Variants in TMEM229B observed in about 807,000 individuals in gnomAD.
TMEM229B encodes the protein transmembrane protein 229B, also known as chromosome 14 open reading frame 83.
Under a neutral mutation model 13.7 loss-of-function variants are expected in TMEM229B, and 6 were observed. That is an observed-to-expected ratio of 0.44 (90% confidence interval 0.24 to 0.86). The LOEUF is 0.86. Ranked by LOEUF, TMEM229B falls within the 40% of genes least tolerant of loss-of-function variation. The probability of loss-of-function intolerance (pLI) is 0.23; values close to 1 mark genes in which losing one functional copy is unlikely to be tolerated. For synonymous variants in TMEM229B, 107 were observed against 102.1 expected (o/e 1.05, Z -0.29); for missense variants, 170 against 236.0 (o/e 0.72, Z 1.83).
At chr14:67,518,185 T>G (rs1163521736), upstream of TMEM229B, among the ~76,000 whole-genome samples, 9 of 152,224 alleles carry the variant, frequency 5.9e-5, no homozygotes, top group Non-Finnish European at 1.0e-4. Context: ...TACCAGCCCC[T>G]GCTTTGCCTT....
intron 1 of TMEM229B, among the ~76,000 whole-genome samples, chr14:67,498,475 T>G (rs1277250223): frequency 6.6e-6 from 1 of 152,240 alleles, no homozygotes; most frequent in African/African-American, 2.4e-5. Flanking sequence ...TAGAGTATGG[T>G]TGAGGCATTA....
upstream of TMEM229B, among the ~76,000 whole-genome samples, chr14:67,493,630 C>A (rs190156795): frequency 1.3e-5 from 2 of 152,126 alleles, no homozygotes; most frequent in Non-Finnish European, 2.9e-5. Flanking sequence ...GCTGTCAATA[C>A]CCTGCCTGTT....
chr14:67,517,388 C>T (rs7144333), upstream of TMEM229B, among the ~76,000 whole-genome samples: 63,348 of 151,848 alleles, frequency 0.42, 13,759 homozygotes, highest in East Asian at 0.48. Context: ...GCACGGTAGG[C>T]GCCGGGCTCA....
At chr14:67,504,754 G>A (rs1488855134) in intron 1 of TMEM229B, among the ~76,000 whole-genome samples, 3 of 152,034 alleles carry the variant, frequency 2.0e-5, no homozygotes, top group East Asian at 3.9e-4. Context: ...GCGTGGTGGC[G>A]GGTGCCCATA....
chr14:67,510,266 T>C (rs964189608), intron 1 of TMEM229B, among the ~76,000 whole-genome samples: 2 of 152,234 alleles, frequency 1.3e-5, no homozygotes, highest in Non-Finnish European at 2.9e-5. Flanking sequence ...AAGCTCTATT[T>C]GTGGAATTAA....
upstream of TMEM229B, among the ~76,000 whole-genome samples, chr14:67,516,823 T>G (rs7140327): frequency 0.42 from 63,304 of 151,852 alleles, 13,743 homozygotes; most frequent in East Asian, 0.48. Flanking sequence ...GGGTTCTGAT[T>G]GGGGCAGAGG....
chr14:67,477,999 A>G (rs2031331467), intron 2 of TMEM229B, among the ~76,000 whole-genome samples: 1 of 152,228 alleles, frequency 6.6e-6, no homozygotes, highest in African/African-American at 2.4e-5. Flanking sequence ...AGCCCAGCAC[A>G]TAGTAAGCAT....
intron 1 of TMEM229B, among the ~76,000 whole-genome samples, chr14:67,495,124 G>C (rs1217623679): frequency 6.6e-6 from 1 of 152,130 alleles, no homozygotes; most frequent in Non-Finnish European, 1.5e-5. Context: ...TTAGGACAGG[G>C]GGTGGGGCCC....
At position 67,511,017 on chromosome 14, in the gene TMEM229B, C is replaced by T. The variant is rs142423130; in HGVS notation, c.-192+4069G>A. On this transcript the variant is annotated intron_variant, in intron 1 of 2. Transcript: ENST00000357461. ...TCCTCTCTTTGTGGCCCTTCAATCT[C>T]CTTGGCTGGCATCCCTAGCTCCTCA... Among the ~76,000 whole-genome samples the T allele has an allele frequency of 4.2e-3, 645 of 152,274 alleles. 2 individuals are homozygous for T. Among genetic ancestry groups the T allele is most frequent in the Non-Finnish European group, 6.3e-3 (427 of 68,022 alleles).
At chr14:67,529,593 G>A (rs2033416622) in intron 1 of TMEM229B, among the ~76,000 whole-genome samples, 1 of 152,040 alleles carries the variant, frequency 6.6e-6, no homozygotes, top group Non-Finnish European at 1.5e-5. Flanking sequence ...TTTAGCCACT[G>A]GGCCATTTCC....
At chr14:67,527,982 C>A (rs933190276) in intron 1 of TMEM229B, among the ~76,000 whole-genome samples, 3 of 152,186 alleles carry the variant, frequency 2.0e-5, no homozygotes. Context: ...CCACCTACTC[C>A]TCCACGCTCT....
At chr14:67,498,165 G>C (rs1446155884) in intron 1 of TMEM229B, among the ~76,000 whole-genome samples, 1 of 152,050 alleles carries the variant, frequency 6.6e-6, no homozygotes, top group African/African-American at 2.4e-5. Context: ...ATTAATCTCT[G>C]TTCCCGATCC....
At chr14:67,517,477 T>G (rs1442212942), upstream of TMEM229B, among the ~76,000 whole-genome samples, 1 of 152,196 alleles carries the variant, frequency 6.6e-6, no homozygotes. Flanking sequence ...AACATTGAGG[T>G]CAAAGAAAAA....
upstream of TMEM229B, among the ~76,000 whole-genome samples, chr14:67,516,075 T>G (rs1196962920): frequency 2.0e-5 from 3 of 152,172 alleles, no homozygotes; most frequent in African/African-American, 7.2e-5. Context: ...CTCTGGAAAT[T>G]CCACAATACC....
At chr14:67,520,672 T>C (rs1218718429) in intron 1 of TMEM229B, among the ~76,000 whole-genome samples, 2 of 151,604 alleles carry the variant, frequency 1.3e-5, no homozygotes, top group Non-Finnish European at 2.9e-5. Flanking sequence ...TGGACATAAA[T>C]TTCCAACTCC....
intron 1 of TMEM229B, among the ~76,000 whole-genome samples, chr14:67,508,753 C>CAAAAAAAAAAAAAAACAA (rs2032920670): frequency 1.3e-4 from 6 of 46,714 alleles, no homozygotes; most frequent in Non-Finnish European, 2.3e-4. Flanking sequence ...AACCTTGTCT[C>CAAAAAAAAAAAAAAACAA]AAAAAAAAAA....
At chr14:67,498,716 A>T (rs540179093) in intron 1 of TMEM229B, among the ~76,000 whole-genome samples, 65 of 152,326 alleles carry the variant, frequency 4.3e-4, no homozygotes, top group Non-Finnish European at 8.2e-4. Context: ...CCCAGGCTGG[A>T]GTCCAGTGGC....
intron 2 of TMEM229B, among the ~76,000 whole-genome samples, chr14:67,478,799 T>C (rs966607717): frequency 6.6e-6 from 1 of 152,102 alleles, no homozygotes; most frequent in Non-Finnish European, 1.5e-5. Context: ...GTCTTCCCAC[T>C]TCTGCACCCT....
chr14:67,496,405 T>TTTTTTTG (rs1819011532), intron 1 of TMEM229B, among the ~76,000 whole-genome samples: 2 of 129,804 alleles, frequency 1.5e-5, no homozygotes, highest in Non-Finnish European at 3.3e-5. Context: ...TTTTTTTTTT[T>TTTTTTTG]TTTTTTTTTT....
Sources: allele counts gnomAD v4.1 joint callset (sites outside exome capture counted in the v4.1 genomes callset), GRCh38; gene constraint gnomAD v4.1.1; transcripts MANE v1.5; gene names NCBI Gene and HGNC (gene_info 2026-07-23, HGNC 2026-07-21).